Variants in SCN3A observed in about 807,000 individuals in gnomAD.
The protein encoded by SCN3A is sodium channel protein type 3 subunit alpha.
In SCN3A, 60 loss-of-function variants were observed where a neutral mutation model predicts 187.6. That is an observed-to-expected ratio of 0.32 (90% CI 0.26 to 0.40). The LOEUF (loss-of-function observed/expected upper bound fraction) is 0.40, where lower values mean the gene tolerates loss of function less well. Ranked by LOEUF, SCN3A falls within the 10% of genes least tolerant of loss-of-function variation. The pLI is 1.00. For missense variants in SCN3A, 1,601 were observed against 2,428.2 expected (o/e 0.66, Z 7.16); for synonymous variants, 788 against 829.2 (o/e 0.95, Z 0.85).
At chr2:165,101,070 C>T (rs1685582381) in intron 21 of SCN3A, among the ~76,000 whole-genome samples, 1 of 152,134 alleles carries the variant, frequency 6.6e-6, no homozygotes, top group African/African-American at 2.4e-5. Context: ...GGTACAGCTT[C>T]CTGATACAGG....
chr2:165,137,807 A>G (rs1687757415), intron 15 of SCN3A, 72 bp downstream of exon 15: 2 of 1,198,480 alleles, frequency 1.7e-6, no homozygotes, highest in Admixed American at 3.4e-5. Context: ...ACACAGCACA[A>G]ATACATCTTT....
intron 22 of SCN3A, 123 bp from the exon 23 acceptor site, chr2:165,097,647 G>T: frequency 1.6e-6 from 2 of 1,223,062 alleles, no homozygotes; most frequent in Non-Finnish European, 2.3e-6. Context: ...AGGTGGACAA[G>T]TTGTTTCTTC....
chr2:165,161,147 T>TG (rs1689359303), intron 9 of SCN3A, among the ~76,000 whole-genome samples: 3 of 145,748 alleles, frequency 2.1e-5, no homozygotes, highest in Admixed American at 2.0e-4. Context: ...CTTTTTTTTT[T>TG]TTTTTTTTTT....
At chr2:165,200,068 G>A (rs1692219341) in intron 1 of SCN3A, among the ~76,000 whole-genome samples, 1 of 152,064 alleles carries the variant, frequency 6.6e-6, no homozygotes, top group Admixed American at 6.6e-5. Context: ...TCAGATGTCA[G>A]GTTCTATATG....
intron 3 of SCN3A, among the ~76,000 whole-genome samples, chr2:165,174,140 C>G (rs1324747987): frequency 4.6e-5 from 7 of 152,178 alleles, no homozygotes; most frequent in African/African-American, 1.4e-4. Context: ...AACTCCTGAC[C>G]TCAAGCAATC....
At chr2:165,112,194 C>T (rs1241532227) in intron 21 of SCN3A, among the ~76,000 whole-genome samples, 1 of 152,138 alleles carries the variant, frequency 6.6e-6, no homozygotes, top group East Asian at 1.9e-4. Flanking sequence ...GTCCCAGTGC[C>T]TCTCCGTCAC....
intron 9 of SCN3A, among the ~76,000 whole-genome samples, chr2:165,157,910 G>T (rs2105875434): frequency 6.6e-6 from 1 of 151,910 alleles, no homozygotes; most frequent in Admixed American, 6.6e-5. Context: ...CATGGTTGTG[G>T]GTTGCATTTT....
chr2:165,164,352 T>C (rs369519243), intron 6 of SCN3A, 40 bp downstream of exon 6: 94 of 1,613,078 alleles, frequency 5.8e-5, no homozygotes, highest in Admixed American at 1.0e-4. Context: ...TATGACTATT[T>C]TCACTCCTTT....
intron 14 of SCN3A, among the ~76,000 whole-genome samples, chr2:165,138,403 C>T (rs1687799979): frequency 6.6e-6 from 1 of 152,070 alleles, no homozygotes; most frequent in African/African-American, 2.4e-5. Context: ...GTGCTGTATT[C>T]TCTTTGTCAA....
rs116539546 is a variant in SCN3A, at chr2:165,180,261, G to C, written c.-50-3817C>G. ...GAAAATATTTATGGAGGGATTCTAC[G>C]AATCAGTACTCTGTTTGAACCAGGA... On this transcript the variant is annotated intron_variant, in intron 2 of 27. Transcript: ENST00000283254. Among the ~76,000 whole-genome samples, 542 of 152,280 alleles carry C rather than the reference G, an allele frequency of 3.6e-3. 6 individuals are homozygous for C. The highest frequency in any genetic ancestry group is 0.012 in the African/African-American group (511 of 41,560).
intron 2 of SCN3A, among the ~76,000 whole-genome samples, chr2:165,181,435 G>GA (rs1311318090): frequency 3.3e-5 from 5 of 152,230 alleles, no homozygotes; most frequent in Non-Finnish European, 7.4e-5. Flanking sequence ...TGTTATGAAG[G>GA]TCTTCCAGAT....
intron 21 of SCN3A, among the ~76,000 whole-genome samples, chr2:165,105,808 G>C (rs972463306): frequency 1.3e-5 from 2 of 151,958 alleles, no homozygotes; most frequent in Non-Finnish European, 2.9e-5. Flanking sequence ...AGGTTACAGC[G>C]AGCTATGATT....
chr2:165,130,844 A>T (rs746363198), intron 16 of SCN3A, among the ~76,000 whole-genome samples: 2 of 152,130 alleles, frequency 1.3e-5, no homozygotes, highest in African/African-American at 2.4e-5. Flanking sequence ...TAAGATACTA[A>T]TAACATCAAA....
Position 165,176,308 on chromosome 2 carries a change from A to G in SCN3A, c.87T>C (p.Ala29=). ...RESLAAIEKR[A]AEEKAKKPKK... ...TGGGCTTCTTGGCTTTCTCTTCTGC[A>G]GCACGTTTTTCGATAGCAGCAAGAG... The change falls in exon 3 of 28, where the codon GCT becomes GCC. Residue 29 remains alanine (A), a synonymous_variant. Transcript: ENST00000283254. The G allele has an allele frequency of 6.2e-7, 1 of 1,614,082 alleles. No individual in the cohort carries two copies. Among genetic ancestry groups the G allele is most frequent in the Non-Finnish European group, 8.5e-7 (1 of 1,180,006 alleles).
At position 165,090,470 on chromosome 2, in the gene SCN3A, A is replaced by G; in HGVS notation, c.5683T>C (p.Leu1895=). The G allele has an allele frequency of 1.2e-6, 2 of 1,614,050 alleles. No homozygotes were observed. Among genetic ancestry groups the G allele is most frequent in the Non-Finnish European group, 1.7e-6 (2 of 1,179,980 alleles). Residue 1895 remains leucine, a synonymous_variant, in exon 28 of 28, where the codon TTG becomes CTG. Transcript: ENST00000283254. This position sits in a 1 kb window ranked among gnomAD's most constrained non-coding sequence, Gnocchi z 4.0. ...KVSYEPITTT[L]KRKQEEVSAA... ...GACACCTCCTCTTGTTTACGTTTCA[A>G]AGTGGTTGTAATAGGCTCATAAGAG...
At position 165,090,900 on chromosome 2, in the gene SCN3A, A is replaced by G. The variant is rs766241402; in HGVS notation, c.5253T>C (p.Phe1751=). Residue 1751 remains phenylalanine (F), a synonymous_variant, in exon 28 of 28, where the codon TTT becomes TTC. Coordinates refer to ENST00000283254, the MANE Select transcript of SCN3A (RefSeq NM_006922.4). This position sits in a 1 kb window ranked among gnomAD's most constrained non-coding sequence, Gnocchi z 4.0. ...CGNPSVGIFF[F]VSYIIISFLV... ...GGAAGGATATGATGATGTAACTGAC[A>G]AAAAAGAAAATCCCAACAGATGGGT... 1 of 1,614,108 alleles carries G rather than the reference A, an allele frequency of 6.2e-7. No homozygotes were observed. The highest frequency in any genetic ancestry group is 1.1e-5 in the South Asian group (1 of 91,076).
chr2:165,190,480 C>T (rs1005512413), intron 1 of SCN3A, among the ~76,000 whole-genome samples: 11 of 148,642 alleles, frequency 7.4e-5, no homozygotes, highest in African/African-American at 1.2e-4. Context: ...TCTTGAGATT[C>T]CTATTGCACA....
chr2:165,129,717 G>A (rs1051422874), intron 17 of SCN3A, among the ~76,000 whole-genome samples: 2 of 152,108 alleles, frequency 1.3e-5, no homozygotes, highest in African/African-American at 4.8e-5. Flanking sequence ...TTTAATCTTT[G>A]CATTAAAGAT....
chr2:165,182,641 G>C (rs992280380), intron 2 of SCN3A, among the ~76,000 whole-genome samples: 3 of 149,738 alleles, frequency 2.0e-5, no homozygotes, highest in Admixed American at 1.3e-4. Flanking sequence ...CAGGTTTCCA[G>C]CTTAAGCCAC....
Sources: allele counts gnomAD v4.1 joint callset (sites outside exome capture counted in the v4.1 genomes callset), GRCh38; gene constraint gnomAD v4.1.1; non-coding constraint Gnocchi (gnomAD v3.1); transcripts MANE v1.5; gene names NCBI Gene and HGNC (gene_info 2026-07-23, HGNC 2026-07-21).